Variants in GRIA3 observed in about 807,000 individuals in gnomAD.
GRIA3 encodes the protein glutamate ionotropic receptor AMPA type subunit 3, also known as glutamate receptor 3.
Under a neutral mutation model 63.0 loss-of-function variants are expected in GRIA3, and 3 were observed. The observed-to-expected ratio is 0.05, with a 90% CI of 0.02 to 0.12. The LOEUF is 0.12. Among genes scored for constraint, GRIA3 ranks in the 10% least tolerant of loss-of-function variants. The probability of loss-of-function intolerance (pLI) is 1.00; values close to 1 mark genes in which losing one functional copy is unlikely to be tolerated. For missense variants in GRIA3, 347 were observed against 700.9 expected (o/e 0.50, Z 5.70); for synonymous variants, 274 against 257.9 (o/e 1.06, Z -0.60).
intron 5 of GRIA3, among the ~76,000 whole-genome samples, chrX:123,359,579 T>C (rs190381319): frequency 8.9e-4 from 99 of 111,503 alleles, no homozygotes; most frequent in African/African-American, 3.0e-3. Flanking sequence ...AAAACCAAGA[T>C]AGATATGAGT....
chrX:123,277,523 C>T (rs765217944), intron 3 of GRIA3, among the ~76,000 whole-genome samples: 10 of 111,360 alleles, frequency 9.0e-5, no homozygotes, highest in African/African-American at 2.9e-4. Context: ...TGGATTTCCT[C>T]TCTGAGAATA....
At chrX:123,311,494 A>G (rs770888188) in intron 3 of GRIA3, among the ~76,000 whole-genome samples, 2 of 112,476 alleles carry the variant, frequency 1.8e-5, no homozygotes, top group Non-Finnish European at 3.8e-5. Context: ...GGAAGGCTCC[A>G]AGATAGTATT....
chrX:123,478,683 T>G (rs773545871), intron 13 of GRIA3, among the ~76,000 whole-genome samples: 1 of 112,499 alleles, frequency 8.9e-6, no homozygotes, highest in Non-Finnish European at 1.9e-5. Context: ...CAAGTCTTAT[T>G]AGTGACTGGA....
intron 3 of GRIA3, among the ~76,000 whole-genome samples, chrX:123,325,533 A>C (rs1945702870): frequency 1.8e-5 from 2 of 111,665 alleles, no homozygotes; most frequent in Non-Finnish European, 3.8e-5. Flanking sequence ...GTTTTCATAA[A>C]ATTATTTTAC....
chrX:123,329,393 T>C (rs2044926179), intron 4 of GRIA3, among the ~76,000 whole-genome samples: 1 of 112,190 alleles, frequency 8.9e-6, no homozygotes, highest in East Asian at 2.8e-4. Context: ...TGTCATGATA[T>C]AAGTTCTGGT....
At chrX:123,459,478 A>C (rs2045781130) in intron 12 of GRIA3, among the ~76,000 whole-genome samples, 1 of 112,079 alleles carries the variant, frequency 8.9e-6, no homozygotes, top group African/African-American at 3.2e-5. Flanking sequence ...AGTTAGAGCT[A>C]CAACTGTTGA....
In GRIA3 at chrX:123,391,918, G is replaced by A. The variant is rs550596252; in HGVS notation, c.751-3050G>A. Among the ~76,000 whole-genome samples the A allele has an allele frequency of 8.4e-4, 94 of 112,068 alleles. 2 individuals carry two copies. In the South Asian group the frequency reaches 0.024, roughly 28 times the overall value. On this transcript the variant is annotated intron_variant, in intron 5 of 15. Coordinates refer to ENST00000620443, the MANE Select transcript of GRIA3 (RefSeq NM_007325.5). Reference sequence around the variant, plus strand: ...CCCAGGAGGAGTGCTAAGTTCCAACGGTGGTGAATGGGGCAGAGCAATCTC... The same window carrying A: ...CCCAGGAGGAGTGCTAAGTTCCAACAGTGGTGAATGGGGCAGAGCAATCTC...
intron 5 of GRIA3, among the ~76,000 whole-genome samples, chrX:123,382,997 C>T (rs2045333322): frequency 8.9e-6 from 1 of 111,747 alleles, no homozygotes; most frequent in African/African-American, 3.3e-5. Context: ...TTTTCCAGCC[C>T]AGGCTTTTAA....
rs72609496 is a variant in GRIA3, at chrX:123,451,021, T to C, written c.2077-13844T>C. ...AGAGTGAAGTAAGTGAGGGAAAGAG[T>C]GGTAAGAGATGAGAGCAGTGAAGAA... is the stretch of plus-strand genomic sequence containing the variant. On this transcript the variant is annotated intron_variant, in intron 12 of 15. Coordinates refer to ENST00000620443, the MANE Select transcript of GRIA3 (RefSeq NM_007325.5). 7.2e-5 allele frequency among the ~76,000 whole-genome samples: 8 copies of C among 110,828 alleles called. No individual in the cohort carries two copies. The East Asian group carries it at 2.0e-3, about 28-fold the overall frequency.
At chrX:123,379,193 C>G (rs1333374634) in intron 5 of GRIA3, among the ~76,000 whole-genome samples, 1 of 111,200 alleles carries the variant, frequency 9.0e-6, no homozygotes, top group Non-Finnish European at 1.9e-5. Context: ...CTTCTATCAC[C>G]CTACCACAAC....
At chrX:123,481,048 A>G (rs2045910312) in intron 14 of GRIA3, among the ~76,000 whole-genome samples, 2 of 112,019 alleles carry the variant, frequency 1.8e-5, no homozygotes, top group Non-Finnish European at 3.8e-5. Flanking sequence ...CTGGTTTTCT[A>G]CATCCCACAT....
intron 3 of GRIA3, among the ~76,000 whole-genome samples, chrX:123,293,758 T>C (rs1478612883): frequency 1.8e-5 from 2 of 110,468 alleles, no homozygotes; most frequent in South Asian, 3.9e-4. Flanking sequence ...GTAAAAGTTA[T>C]ATAAGGCTTA....
chrX:123,429,698 A>C (rs192009413), intron 12 of GRIA3, among the ~76,000 whole-genome samples: 1 of 111,919 alleles, frequency 8.9e-6, no homozygotes, highest in African/African-American at 3.3e-5. Context: ...ATAGGCATGA[A>C]GTTTCTATAT....
In GRIA3 at chrX:123,464,953, T is replaced by A; in HGVS notation, c.2165T>A (p.Val722Glu). The change falls in exon 13 of 16, where the codon GTG (valine) becomes GAG (glutamate). Residue 722 changes from valine (V) to glutamate (E), a missense_variant. Around this residue, in one of 8 missense-constraint regions of GRIA3, gnomAD observed 49 missense variants for 176.6 expected, o/e 0.28. Coordinates refer to ENST00000620443, the MANE Select transcript of GRIA3 (RefSeq NM_007325.5). ...TTTACCAAAACAACAGCAGACGGAG[T>A]GGCCCGAGTGCGAAAGTCCAAGGGA... ...SVFTKTTADG[V>E]ARVRKSKGKF... The A allele has an allele frequency of 8.3e-7, 1 of 1,209,193 alleles. No individual in the cohort carries two copies. Among genetic ancestry groups the A allele is most frequent in the Non-Finnish European group, 1.1e-6 (1 of 893,971 alleles).
At chrX:123,452,631 T>C (rs1205287818) in intron 12 of GRIA3, among the ~76,000 whole-genome samples, 1 of 112,150 alleles carries the variant, frequency 8.9e-6, no homozygotes, top group African/African-American at 3.2e-5. Context: ...AGAATAACAA[T>C]AGTATTGAAC....
chrX:123,332,544 C>G (rs757437170), intron 4 of GRIA3, among the ~76,000 whole-genome samples: 1 of 111,254 alleles, frequency 9.0e-6, no homozygotes, highest in East Asian at 2.8e-4. Flanking sequence ...GAAGTTGACA[C>G]CAGGTACTGT....
intron 13 of GRIA3, among the ~76,000 whole-genome samples, chrX:123,472,883 C>T (rs900568927): frequency 1.8e-5 from 2 of 112,519 alleles, no homozygotes; most frequent in Non-Finnish European, 3.8e-5. Flanking sequence ...GTTATATGCA[C>T]GCATTATTGA....
intron 2 of GRIA3, among the ~76,000 whole-genome samples, chrX:123,221,705 A>C (rs1043293844): frequency 1.8e-5 from 2 of 111,401 alleles, no homozygotes; most frequent in Non-Finnish European, 3.8e-5. Flanking sequence ...CTCATCTTAC[A>C]CAAAGAAAAT....
At chrX:123,249,720 C>T (rs2044378635) in intron 2 of GRIA3, among the ~76,000 whole-genome samples, 1 of 111,830 alleles carries the variant, frequency 8.9e-6, no homozygotes, top group Admixed American at 9.4e-5. Context: ...AGTGGATCTG[C>T]CTTTTGGACC....
Sources: gnomAD v4.1 joint callset for allele counts (sites outside exome capture counted in the v4.1 genomes callset) on GRCh38, gnomAD v4.1.1 for gene constraint, gnomAD v4.1.1 regional missense constraint, MANE v1.5 for transcripts, NCBI Gene and HGNC (gene_info 2026-07-23, HGNC 2026-07-21) for gene names.